The following PTPRD variants were observed in gnomAD, a reference collection of about 807,000 sequenced individuals.
The protein encoded by PTPRD is receptor-type tyrosine-protein phosphatase delta.
In PTPRD, 34 loss-of-function variants were observed where a neutral mutation model predicts 214.5. The ratio of observed to expected loss-of-function variants is 0.16; its 90% CI spans 0.12 to 0.21. The LOEUF is 0.21. PTPRD is among the 10% of genes least tolerant of loss of function. The pLI, the probability that PTPRD is intolerant of heterozygous loss-of-function variation, is 1.00. For synonymous variants in PTPRD, 1,128 were observed against 845.7 expected (o/e 1.33, Z -5.79); for missense variants, 2,545 against 2,398.7 (o/e 1.06, Z -1.27).
chr9:9,142,541 C>T (rs1230425424), intron 10 of PTPRD, among the ~76,000 whole-genome samples: 1 of 152,188 alleles, frequency 6.6e-6, no homozygotes, highest in Non-Finnish European at 1.5e-5. Context: ...GACTTATGTT[C>T]ACCTGGTAGT....
At chr9:10,549,018 C>T (rs1420787908) in intron 2 of PTPRD, among the ~76,000 whole-genome samples, 2 of 152,116 alleles carry the variant, frequency 1.3e-5, no homozygotes, top group Non-Finnish European at 2.9e-5. Flanking sequence ...ATGTATGAGA[C>T]AATTATGGCA....
chr9:8,685,968 T>G (rs2097672943), intron 12 of PTPRD, among the ~76,000 whole-genome samples: 1 of 152,216 alleles, frequency 6.6e-6, no homozygotes, highest in African/African-American at 2.4e-5. Flanking sequence ...AGCGGCTCAT[T>G]TTGAGAAACA....
At chr9:9,702,261 CAG>C (rs1435665292) in intron 7 of PTPRD, among the ~76,000 whole-genome samples, 2 of 152,138 alleles carry the variant, frequency 1.3e-5, no homozygotes, top group African/African-American at 4.8e-5. Context: ...GTGCATAAAA[CAG>C]TGTAATCTAA....
At chr9:9,588,198 C>T (rs552041784) in intron 7 of PTPRD, among the ~76,000 whole-genome samples, 90 of 151,680 alleles carry the variant, frequency 5.9e-4, no homozygotes, top group African/African-American at 2.0e-3. Flanking sequence ...CCATAGGCAG[C>T]GATAAGGACT....
intron 2 of PTPRD, among the ~76,000 whole-genome samples, chr9:10,363,902 C>T (rs1377258811): frequency 6.7e-6 from 1 of 150,198 alleles, no homozygotes; most frequent in African/African-American, 2.5e-5. Flanking sequence ...CTTCTGGACA[C>T]TATTCTAAGT....
intron 14 of PTPRD, among the ~76,000 whole-genome samples, chr9:8,613,974 T>G (rs1301687941): frequency 6.6e-6 from 1 of 151,912 alleles, no homozygotes; most frequent in Non-Finnish European, 1.5e-5. Flanking sequence ...TATAAAATAG[T>G]AAAGTTGTGT....
chr9:8,683,750 T>C (rs940247475), intron 12 of PTPRD, among the ~76,000 whole-genome samples: 1 of 152,170 alleles, frequency 6.6e-6, no homozygotes, highest in Non-Finnish European at 1.5e-5. Flanking sequence ...CTATGTGAGT[T>C]CCCAGCTAAG....
chr9:8,719,539 C>G (rs2154416688), intron 12 of PTPRD, among the ~76,000 whole-genome samples: 1 of 152,324 alleles, frequency 6.6e-6, no homozygotes, highest in East Asian at 1.9e-4. Flanking sequence ...TGAGTAAGGT[C>G]AAAAGCAGGA....
intron 9 of PTPRD, among the ~76,000 whole-genome samples, chr9:9,381,799 A>G (rs10977691): frequency 0.23 from 35,529 of 151,450 alleles, 4,266 homozygotes; most frequent in Middle Eastern, 0.37. Flanking sequence ...TTTGAAATCA[A>G]GAAGTGGGAT....
At chr9:9,321,477 C>T (rs905833274) in intron 9 of PTPRD, among the ~76,000 whole-genome samples, 1 of 149,992 alleles carries the variant, frequency 6.7e-6, no homozygotes, top group South Asian at 2.1e-4. Flanking sequence ...ATGGCTTGAA[C>T]CTGGGAGGCA....
intron 2 of PTPRD, among the ~76,000 whole-genome samples, chr9:10,461,200 AC>A (rs949019016): frequency 8.1e-5 from 12 of 147,718 alleles, no homozygotes; most frequent in African/African-American, 2.7e-4. Context: ...TATCCTCATA[AC>A]TGTTAGGATA....
chr9:9,718,986 C>T (rs2097885732), intron 7 of PTPRD, among the ~76,000 whole-genome samples: 2 of 152,164 alleles, frequency 1.3e-5, no homozygotes, highest in African/African-American at 2.4e-5. Flanking sequence ...CAGGGATGAC[C>T]TGAAGCCTGG....
chr9:8,743,421 G>C (rs2092360311), intron 11 of PTPRD, among the ~76,000 whole-genome samples: 1 of 152,168 alleles, frequency 6.6e-6, no homozygotes, highest in South Asian at 2.1e-4. Flanking sequence ...TGGGAGCTTA[G>C]CTCTTCTCTA....
At chr9:9,756,748 A>T (rs1262633032) in intron 6 of PTPRD, among the ~76,000 whole-genome samples, 1 of 152,186 alleles carries the variant, frequency 6.6e-6, no homozygotes, top group Non-Finnish European at 1.5e-5. Context: ...TCAATAAAAA[A>T]ATTAGTAGAG....
chr9:8,420,060 C>T (rs1372973217), intron 35 of PTPRD, among the ~76,000 whole-genome samples: 1 of 152,016 alleles, frequency 6.6e-6, no homozygotes, highest in Non-Finnish European at 1.5e-5. Flanking sequence ...ATGTAACAAA[C>T]GTAGACAAAA....
chr9:8,944,257 G>A (rs1455201094), intron 11 of PTPRD, among the ~76,000 whole-genome samples: 14 of 152,084 alleles, frequency 9.2e-5, no homozygotes, highest in Admixed American at 7.9e-4. Flanking sequence ...AATAGTGAAT[G>A]CTGGCGAGGA....
chr9:8,834,625 T>C lies in PTPRD; in HGVS notation c.-103-100679A>G, dbSNP rs995531906. ...TTAAAAGCATTATCTCATTTAATGT[T>C]CACAGCAATAGTATGAGGTAGGTAG... On this transcript the variant is annotated intron_variant, in intron 11 of 45. Coordinates refer to ENST00000381196, the MANE Select transcript of PTPRD (RefSeq NM_002839.4). Among the ~76,000 whole-genome samples, 6 of 152,182 alleles carry C rather than the reference T, an allele frequency of 3.9e-5. No homozygotes were observed. The South Asian group carries it at 6.2e-4, about 16-fold the overall frequency.
Position 8,371,468 on chromosome 9 carries a change from G to A in PTPRD, c.4661+4468C>T, listed in dbSNP as rs118019794. On this transcript the variant is annotated intron_variant, in intron 39 of 45. Coordinates refer to ENST00000381196, the MANE Select transcript of PTPRD (RefSeq NM_002839.4). The stretch of plus-strand genomic sequence containing the variant: ...GCACACATATAGCTAAACTTGCACA[G>A]TGTGAACCTATTCTATGAGAATTTA... 3.2e-4 allele frequency among the ~76,000 whole-genome samples: 48 copies of A among 152,118 alleles called. 1 individual carries two copies. The East Asian group carries it at 8.9e-3, about 28-fold the overall frequency.
Position 9,397,473 on chromosome 9 carries a change from G to A in PTPRD, c.-227C>T, listed in dbSNP as rs900384355. 10 of 152,286 alleles carry A rather than the reference G, an allele frequency of 6.6e-5. No homozygotes were observed. Among genetic ancestry groups the A allele is most frequent in the African/African-American group, 2.2e-4 (9 of 41,370 alleles). The allele number at this position is 152,286 out of a possible 1,614,324, so 9.4% of individuals were successfully genotyped here. A position where few individuals can be genotyped will look rare whatever the true frequency, so the allele number is the denominator to read the frequency against. ...CCACAGTTGTTCAGTTAATGGACAGGCACCATCATCTGAAACAACAAAAAT... is the reference window on the plus strand; with the variant it reads ...CCACAGTTGTTCAGTTAATGGACAGACACCATCATCTGAAACAACAAAAAT... On this transcript the variant is annotated 5_prime_UTR_variant, in exon 9 of 46. Transcript: ENST00000381196.
Sources: gnomAD v4.1 joint callset for allele counts (sites outside exome capture counted in the v4.1 genomes callset) on GRCh38, gnomAD v4.1.1 for gene constraint, MANE v1.5 for transcripts, NCBI Gene and HGNC (gene_info 2026-07-23, HGNC 2026-07-21) for gene names.